The following VRK1 variants were observed in gnomAD, a reference collection of about 807,000 sequenced individuals.
VRK1 encodes VRK serine/threonine kinase 1.
Under a neutral mutation model 57.1 loss-of-function variants are expected in VRK1, and 33 were observed. That is an observed-to-expected ratio of 0.58 (90% CI 0.44 to 0.77). The LOEUF (loss-of-function observed/expected upper bound fraction) is 0.77. Ranked by LOEUF, VRK1 falls within the 30% of genes least tolerant of loss-of-function variation. The probability of loss-of-function intolerance (pLI) is 0.00; values close to 1 mark genes in which losing one functional copy is unlikely to be tolerated. For missense variants in VRK1, 413 were observed against 477.3 expected (o/e 0.87, Z 1.25); for synonymous variants, 137 against 147.8 (o/e 0.93, Z 0.53).
intron 1 of VRK1, among the ~76,000 whole-genome samples, chr14:96,808,546 A>T (rs1226361323): frequency 2.6e-5 from 4 of 152,104 alleles, no homozygotes; most frequent in African/African-American, 9.7e-5. Context: ...TTATGTGGGG[A>T]TATCTTGCAG....
intron 4 of VRK1, among the ~76,000 whole-genome samples, chr14:96,846,727 G>A (rs1483878688): frequency 4.8e-4 from 70 of 147,038 alleles, no homozygotes; most frequent in African/African-American, 1.6e-3. Context: ...AAAAAAAAAA[G>A]CTACAATAAA....
chr14:96,880,800 TGAATG>T (rs1889231425), intron 12 of VRK1, among the ~76,000 whole-genome samples: 1 of 152,110 alleles, frequency 6.6e-6, no homozygotes, highest in Non-Finnish European at 1.5e-5. Flanking sequence ...ACCTTAGGAG[TGAATG>T]CTTATCTATA....
intron 5 of VRK1, among the ~76,000 whole-genome samples, chr14:96,847,883 C>T (rs560934702): frequency 6.6e-6 from 1 of 152,246 alleles, no homozygotes; most frequent in South Asian, 2.1e-4. Context: ...TACTGACTTA[C>T]GTGTCTTAGG....
Position 96,877,669 on chromosome 14 carries a change from GA to G in VRK1, c.1159+1552del, listed in dbSNP as rs1051240249. 2.5e-5 allele frequency: 32 copies of G among 1,279,516 alleles called. No individual in the cohort carries two copies. The Admixed American group carries it at 7.2e-4, about 29-fold the overall frequency. 79.3% of individuals were successfully genotyped at this position (1,279,516 alleles called of 1,614,324 possible). A position where few individuals can be genotyped will look rare whatever the true frequency, so the allele number is the denominator to read the frequency against. On this transcript the variant is annotated intron_variant, in intron 12 of 12. Transcript: ENST00000216639. ...TTTAAAACTGGCAATTTTAGTTTCA[GA>G]AAGATCCTGCATTGTTCTAGTGAGA...
intron 1 of VRK1, among the ~76,000 whole-genome samples, chr14:96,805,596 T>G (rs1885840256): frequency 6.6e-6 from 1 of 152,208 alleles, no homozygotes; most frequent in African/African-American, 2.4e-5. Context: ...TGGCTGTAGA[T>G]TAGACTTAAG....
intron 1 of VRK1, among the ~76,000 whole-genome samples, chr14:96,813,696 T>C (rs1595644175): frequency 6.6e-6 from 1 of 152,198 alleles, no homozygotes; most frequent in East Asian, 1.9e-4. Flanking sequence ...GTTTGATCTT[T>C]TATACTATTT....
At chr14:96,825,531 C>G (rs538390160) in intron 1 of VRK1, among the ~76,000 whole-genome samples, 2 of 152,158 alleles carry the variant, frequency 1.3e-5, no homozygotes, top group African/African-American at 4.8e-5. Context: ...AGACATTTCT[C>G]ATATACGAGG....
intron 3 of VRK1, among the ~76,000 whole-genome samples, chr14:96,840,034 C>T (rs1333506858): frequency 1.3e-5 from 2 of 152,108 alleles, no homozygotes; most frequent in Non-Finnish European, 2.9e-5. Context: ...TGTCGTTGTT[C>T]GTGAAGGATA....
chr14:96,844,834 A>G (rs1187430387), intron 3 of VRK1, among the ~76,000 whole-genome samples: 1 of 152,208 alleles, frequency 6.6e-6, no homozygotes, highest in African/African-American at 2.4e-5. Context: ...GGCATGAGCC[A>G]CTATGCCAGG....
chr14:96,819,937 A>G (rs1280582593), intron 1 of VRK1, among the ~76,000 whole-genome samples: 2 of 152,090 alleles, frequency 1.3e-5, no homozygotes. Context: ...CAGGTGTTGC[A>G]GTTTTTGGTG....
At chr14:96,875,795 T>C (rs2139845291) in intron 11 of VRK1, among the ~76,000 whole-genome samples, 1 of 70,520 alleles carries the variant, frequency 1.4e-5, no homozygotes, top group South Asian at 4.5e-4. Context: ...ATAACAAATA[T>C]ATCTACCATC....
chr14:96,843,981 GT>G (rs1887571069), intron 3 of VRK1, among the ~76,000 whole-genome samples: 1 of 152,178 alleles, frequency 6.6e-6, no homozygotes, highest in African/African-American at 2.4e-5. Context: ...GAAAGTTAAA[GT>G]TGATATGACA....
At chr14:96,840,920 A>G (rs1265648384) in intron 3 of VRK1, among the ~76,000 whole-genome samples, 1 of 151,554 alleles carries the variant, frequency 6.6e-6, no homozygotes, top group Non-Finnish European at 1.5e-5. Flanking sequence ...CATTGGTGCA[A>G]TTATAGCTCA....
chr14:96,868,381 A>G (rs1308710544), intron 11 of VRK1, among the ~76,000 whole-genome samples: 1 of 152,164 alleles, frequency 6.6e-6, no homozygotes, highest in Non-Finnish European at 1.5e-5. Flanking sequence ...GGGATTTTTA[A>G]AAAACTTCCT....
At chr14:96,844,051 C>G (rs1566702736) in intron 3 of VRK1, among the ~76,000 whole-genome samples, 1 of 152,186 alleles carries the variant, frequency 6.6e-6, no homozygotes, top group South Asian at 2.1e-4. Context: ...AAACCTCTTT[C>G]AAACCTGAAT....
intron 1 of VRK1, among the ~76,000 whole-genome samples, chr14:96,823,541 G>C (rs1299302973): frequency 6.6e-6 from 1 of 152,162 alleles, no homozygotes. Flanking sequence ...TAGTCATCAG[G>C]AACACGTTGG....
In VRK1 at chr14:96,856,660, A is replaced by C. The variant is rs1336556281; in HGVS notation, c.889+74A>C. On this transcript the variant is annotated intron_variant, in intron 10 of 12. Transcript: ENST00000216639. ...TAAAAAGGCATGATATCCATGGAAT[A>C]GCCCTTAATGTAAGATGTTAGGTGG... 4 of 1,300,056 alleles carry C rather than the reference A, an allele frequency of 3.1e-6. No individual in the cohort carries two copies. The African/African-American group carries it at 5.9e-5, about 19-fold the overall frequency. The allele number at this position is 1,300,056 out of a possible 1,614,324, so 80.5% of individuals were successfully genotyped here.
chr14:96,830,867 TC>T (rs1886977597), intron 1 of VRK1, among the ~76,000 whole-genome samples: 1 of 152,254 alleles, frequency 6.6e-6, no homozygotes, highest in Non-Finnish European at 1.5e-5. Flanking sequence ...ATTTGAACTT[TC>T]TTTTTCCTTT....
At chr14:96,875,252 G>T (rs1771528109) in intron 11 of VRK1, among the ~76,000 whole-genome samples, 1 of 152,126 alleles carries the variant, frequency 6.6e-6, no homozygotes, top group African/African-American at 2.4e-5. Context: ...ATGTTGTAGT[G>T]GTAGAAACAC....
Sources: allele counts gnomAD v4.1 joint callset (sites outside exome capture counted in the v4.1 genomes callset), GRCh38; gene constraint gnomAD v4.1.1; transcripts MANE v1.5; gene names NCBI Gene and HGNC (gene_info 2026-07-23, HGNC 2026-07-21).